PGBD1: variants seen among roughly 807,000 people sequenced by gnomAD.
The protein encoded by PGBD1 is piggyBac transposable element derived 1.
In PGBD1, 25 loss-of-function variants were observed where a neutral mutation model predicts 34.7. That is an observed-to-expected ratio of 0.72 (90% CI 0.52 to 1.00). PGBD1 has a LOEUF of 1.00. Ranked by LOEUF, PGBD1 falls within the 50% of genes least tolerant of loss-of-function variation. The pLI is 0.00. For missense variants in PGBD1, 830 were observed against 959.4 expected (o/e 0.87, Z 1.78); for synonymous variants, 292 against 335.7 (o/e 0.87, Z 1.42).
chr6:28,283,829 C>T lies in PGBD1; in HGVS notation c.16C>T (p.Pro6Ser), dbSNP rs1762198759. The change falls in exon 2 of 7, where the codon CCA (proline) becomes TCA (serine). Residue 6 changes from proline to serine, a missense_variant. Pro to Ser is a moderately conservative substitution (Grantham distance 74, BLOSUM62 -1). Around this residue, in one of 3 missense-constraint regions of PGBD1, gnomAD observed 457 missense variants for 515.4 expected, o/e 0.89. Coordinates refer to ENST00000682144, the MANE Select transcript of PGBD1 (RefSeq NM_032507.4). ...TAAGCTCAACATGTATGAAGCTTTGCCAGGCCCTGCTCCTGAAAATGAAGA... is the reference window on the plus strand; with the variant it reads ...TAAGCTCAACATGTATGAAGCTTTGTCAGGCCCTGCTCCTGAAAATGAAGA... MYEAL[P>S]GPAPENEDGL... The T allele has an allele frequency of 1.3e-6, 2 of 1,599,606 alleles. No homozygotes were observed. Among genetic ancestry groups the T allele is most frequent in the South Asian group, 1.1e-5 (1 of 89,716 alleles).
chr6:28,287,352 TGATTA>T (rs1762318951), intron 4 of PGBD1, among the ~76,000 whole-genome samples, 184 bp downstream of exon 4: 1 of 152,224 alleles, frequency 6.6e-6, no homozygotes, highest in Non-Finnish European at 1.5e-5. Context: ...GAGCTTGTAT[TGATTA>T]TATGCCATTG....
At chr6:28,293,649 G>A (rs1209603451) in intron 4 of PGBD1, among the ~76,000 whole-genome samples, 1 of 152,090 alleles carries the variant, frequency 6.6e-6, no homozygotes, top group South Asian at 2.1e-4. Flanking sequence ...AAACTTTATT[G>A]TTATATCTGT....
chr6:28,302,030 C>T lies in PGBD1; in HGVS notation c.2176C>T (p.Pro726Ser), dbSNP rs1762863792. The T allele has an allele frequency of 6.2e-7, 1 of 1,614,110 alleles. No individual in the cohort carries two copies. Among genetic ancestry groups the T allele is most frequent in the South Asian group, 1.1e-5 (1 of 91,078 alleles). ...DNEEIPQISQ[P>S]SIVKVYDECK... ...CGAAGAAATCCCTCAGATAAGTCAA[C>T]CATCCATAGTAAAAGTGTATGATGA... is the stretch of plus-strand genomic sequence containing the variant. Residue 726 changes from proline (P) to serine (S), a missense_variant, in exon 7 of 7, where the codon CCA becomes TCA. By Grantham distance (74) the Pro-to-Ser change is moderately conservative. Around this residue, in one of 3 missense-constraint regions of PGBD1, gnomAD observed 372 missense variants for 427.9 expected, o/e 0.87. Transcript: ENST00000682144.
Position 28,301,458 on chromosome 6 carries a change from T to C in PGBD1, c.1604T>C (p.Leu535Ser), listed in dbSNP as rs1762838239. 1.2e-6 allele frequency: 2 copies of C among 1,613,982 alleles called. No individual in the cohort carries two copies. The highest frequency in any genetic ancestry group is 4.5e-5 in the East Asian group (2 of 44,874). The change falls in exon 7 of 7, where the codon TTG becomes TCG. Residue 535 changes from leucine (L) to serine (S), a missense_variant. Around this residue, in one of 3 missense-constraint regions of PGBD1, gnomAD observed 372 missense variants for 427.9 expected, o/e 0.87. Coordinates refer to ENST00000682144, the MANE Select transcript of PGBD1 (RefSeq NM_032507.4). ...AAACAAATGAATAAAAATTTCCTCT[T>C]GTATGCTCCCCTGGAAGAATACTAT... ...LIKQMNKNFL[L>S]YAPLEEYYCF... is the part of the protein sequence containing the mutation.
chr6:28,300,643 G>A lies in PGBD1; in HGVS notation c.870-81G>A. On this transcript the variant is annotated intron_variant, in intron 6 of 6. Coordinates refer to ENST00000682144, the MANE Select transcript of PGBD1 (RefSeq NM_032507.4). This position sits in a 1 kb window ranked among gnomAD's most constrained non-coding sequence, Gnocchi z 4.0. ...CCCACACCCACCCCAAGCCCCAAAAGATTTAAGCTTCAGCAGATTTATCAT... is the reference window on the plus strand; with the variant it reads ...CCCACACCCACCCCAAGCCCCAAAAAATTTAAGCTTCAGCAGATTTATCAT... 2.2e-6 allele frequency: 3 copies of A among 1,356,728 alleles called. No homozygotes were observed. Among genetic ancestry groups the A allele is most frequent in the Non-Finnish European group, 3.0e-6 (3 of 994,946 alleles). 84.0% of individuals were successfully genotyped at this position (1,356,728 alleles called of 1,614,324 possible).
At chr6:28,296,114 CAAAT>C (rs1219355516) in intron 4 of PGBD1, among the ~76,000 whole-genome samples, 1 of 152,118 alleles carries the variant, frequency 6.6e-6, no homozygotes, top group Non-Finnish European at 1.5e-5. Context: ...GACAGTTCCC[CAAAT>C]AAATAAATTC....
At chr6:28,296,776 G>A in intron 4 of PGBD1, 40 bp from the exon 5 acceptor site, 4 of 1,610,420 alleles carry the variant, frequency 2.5e-6, no homozygotes, top group Non-Finnish European at 3.4e-6. Context: ...TCCTTACCAT[G>A]TGAAAACAAA....
intron 5 of PGBD1, 81 bp downstream of exon 5, chr6:28,297,026 A>G: frequency 6.5e-7 from 1 of 1,528,104 alleles, no homozygotes. Flanking sequence ...TTGGGAGGCC[A>G]CGTTTCCTAC....
Position 28,301,382 on chromosome 6 carries a change from A to G in PGBD1, c.1528A>G (p.Asn510Asp). 1 of 1,614,142 alleles carries G rather than the reference A, an allele frequency of 6.2e-7. No individual in the cohort carries two copies. The highest frequency in any genetic ancestry group is 1.3e-5 in the African/African-American group (1 of 75,056). The change falls in exon 7 of 7, where the codon AAT (asparagine) becomes GAT (aspartate). Residue 510 changes from asparagine to aspartate, a missense_variant. Asn to Asp is a conservative substitution (Grantham distance 23). This residue lies in a region of PGBD1 where 372 missense variants were observed against 427.9 expected (regional missense o/e 0.87). Coordinates refer to ENST00000682144, the MANE Select transcript of PGBD1 (RefSeq NM_032507.4). ...TTTCTCAAACCTGCACTTTGCAGAT[A>G]ATGGCCACCTAGATCAAAAAGATAA... ...LIFSNLHFADNGHLDQKDKFT... is the reference protein window; with the variant it reads ...LIFSNLHFADDGHLDQKDKFT...
At chr6:28,285,848 T>A in intron 3 of PGBD1, 141 bp downstream of exon 3, 1 of 850,022 alleles carries the variant, frequency 1.2e-6, no homozygotes, top group Non-Finnish European at 1.8e-6. Context: ...CTTTTATGTG[T>A]CTGTGGTAAG....
Position 28,300,732 on chromosome 6 carries a change from C to T in PGBD1, c.878C>T (p.Ala293Val). 1.9e-6 allele frequency: 3 copies of T among 1,605,848 alleles called. No individual in the cohort carries two copies. The highest frequency in any genetic ancestry group is 2.7e-5 in the African/African-American group (2 of 74,572). The change falls in exon 7 of 7, where the codon GCA becomes GTA. Residue 293 changes from alanine (A) to valine (V), a missense_variant. By Grantham distance (64) the Ala-to-Val change is moderately conservative (BLOSUM62 0). Transcript: ENST00000682144. The surrounding 1 kb of genome is among the most constrained non-coding windows in gnomAD (Gnocchi z 4.0). Reference protein sequence around the residue: ...EASGKPNRECAPQIPCSTPIA... With the variant: ...EASGKPNRECVPQIPCSTPIA... ...CTTTTTTTCTTTCCCAGAGAGTGTGCACCCCAGATTCCTTGTAGTACTCCT... is the reference window on the plus strand; with the variant it reads ...CTTTTTTTCTTTCCCAGAGAGTGTGTACCCCAGATTCCTTGTAGTACTCCT...
intron 2 of PGBD1, among the ~76,000 whole-genome samples, chr6:28,284,426 C>T (rs928808831): frequency 6.6e-6 from 1 of 151,952 alleles, no homozygotes; most frequent in Non-Finnish European, 1.5e-5. Flanking sequence ...GTGCATTCCC[C>T]CCCCCCAAGA....
chr6:28,284,271 T>G (rs1445166191), intron 2 of PGBD1, 62 bp downstream of exon 2: 1 of 1,436,496 alleles, frequency 7.0e-7, no homozygotes, highest in Non-Finnish European at 9.2e-7. Flanking sequence ...TCGGTTTATT[T>G]TTAACGTTTT....
chr6:28,286,327 A>G (rs1014541533), intron 3 of PGBD1, among the ~76,000 whole-genome samples: 2 of 152,234 alleles, frequency 1.3e-5, no homozygotes, highest in African/African-American at 4.8e-5. Flanking sequence ...CCATCTGCCA[A>G]CTGCCAACTT....
chr6:28,283,760 C>T lies in PGBD1; in HGVS notation c.-38-16C>T. On this transcript the variant is annotated splice_polypyrimidine_tract_variant and intron_variant, in intron 1 of 6. Transcript: ENST00000682144. ...TGATAAATTCTTATGCCTCAGATCTCTATTTCTGAATATAGACCCCAAGCT... is the reference window on the plus strand; with the variant it reads ...TGATAAATTCTTATGCCTCAGATCTTTATTTCTGAATATAGACCCCAAGCT... 6.6e-7 allele frequency: 1 copy of T among 1,507,072 alleles called. No individual in the cohort carries two copies. The highest frequency in any genetic ancestry group is 8.9e-7 in the Non-Finnish European group (1 of 1,128,618). The allele number at this position is 1,507,072 out of a possible 1,614,324, so 93.4% of individuals were successfully genotyped here.
Position 28,301,851 on chromosome 6 carries a change from T to G in PGBD1, c.1997T>G (p.Met666Arg), listed in dbSNP as rs765010214. 6.2e-7 allele frequency: 1 copy of G among 1,613,970 alleles called. No individual in the cohort carries two copies. The highest frequency in any genetic ancestry group is 1.1e-5 in the South Asian group (1 of 91,076). The change falls in exon 7 of 7, where the codon ATG (methionine) becomes AGG (arginine). Residue 666 changes from methionine (M) to arginine (R), a missense_variant. This residue lies in a region of PGBD1 where 372 missense variants were observed against 427.9 expected (regional missense o/e 0.87). Coordinates refer to ENST00000682144, the MANE Select transcript of PGBD1 (RefSeq NM_032507.4). The stretch of plus-strand genomic sequence containing the variant: ...TGTCCCCTTATGAATGTAGAACATA[T>G]GAAAAAAATGAAGAGAGGGTATTTT... ...EKCPLMNVEH[M>R]KKMKRGYFDF... is the part of the protein sequence containing the mutation.
In PGBD1 at chr6:28,283,937, A is replaced by T. The variant is rs1457852724; in HGVS notation, c.124A>T (p.Ile42Phe). 1 of 1,614,108 alleles carries T rather than the reference A, an allele frequency of 6.2e-7. No homozygotes were observed. Among genetic ancestry groups the T allele is most frequent in the Non-Finnish European group, 8.5e-7 (1 of 1,180,000 alleles). ...GGAGGGCAGCTCCCACACTCAGGAG[A>T]TTTGCCGCCTGCGCTTTCGGCACTT... ...SQEGSSHTQE[I>F]CRLRFRHFCY... The change falls in exon 2 of 7, where the codon ATT becomes TTT. Residue 42 changes from isoleucine (I) to phenylalanine (F), a missense_variant. By Grantham distance (21) the Ile-to-Phe change is conservative. Transcript: ENST00000682144.
At chr6:28,296,577 A>G (rs946413914) in intron 4 of PGBD1, among the ~76,000 whole-genome samples, 1 of 152,328 alleles carries the variant, frequency 6.6e-6, no homozygotes, top group South Asian at 2.1e-4. Flanking sequence ...AATTCTTTGT[A>G]GTGTGGGACT....
At chr6:28,293,031 C>T (rs1762511632) in intron 4 of PGBD1, among the ~76,000 whole-genome samples, 1 of 152,180 alleles carries the variant, frequency 6.6e-6, no homozygotes, top group Admixed American at 6.5e-5. Flanking sequence ...CAACCTCTGG[C>T]TCCCTGGTTC....
Sources: gnomAD v4.1 joint callset for allele counts (sites outside exome capture counted in the v4.1 genomes callset) on GRCh38, gnomAD v4.1.1 for gene constraint, gnomAD v4.1.1 regional missense constraint, Gnocchi (gnomAD v3.1) non-coding constraint, MANE v1.5 for transcripts, NCBI Gene and HGNC (gene_info 2026-07-23, HGNC 2026-07-21) for gene names.